Variants in RBBP8 observed in about 807,000 individuals in gnomAD.
RBBP8 encodes RB binding protein 8, endonuclease, also known as DNA endonuclease RBBP8.
Under a neutral mutation model 108.3 loss-of-function variants are expected in RBBP8, and 88 were observed. That is an observed-to-expected ratio of 0.81 (90% CI 0.68 to 0.97). The LOEUF (loss-of-function observed/expected upper bound fraction) is 0.97, where lower values mean the gene tolerates loss of function less well. RBBP8 is among the 50% of genes least tolerant of loss of function. RBBP8 has a pLI of 0.00. For missense variants in RBBP8, 1,023 were observed against 1,049.0 expected (o/e 0.98, Z 0.34); for synonymous variants, 332 against 348.2 (o/e 0.95, Z 0.52).
At chr18:22,927,367 C>T (rs567566885) in intron 3 of RBBP8, among the ~76,000 whole-genome samples, 161 of 152,314 alleles carry the variant, frequency 1.1e-3, no homozygotes, top group Non-Finnish European at 1.5e-3. Flanking sequence ...ATGGGAAATG[C>T]CCAGCACAAA....
At chr18:23,014,543 G>T (rs868337569) in intron 16 of RBBP8, among the ~76,000 whole-genome samples, 1 of 152,232 alleles carries the variant, frequency 6.6e-6, no homozygotes, top group African/African-American at 2.4e-5. Context: ...CTGAGGCAGG[G>T]GGATTACTTG....
At chr18:22,937,467 C>G (rs975579815) in intron 2 of RBBP8, among the ~76,000 whole-genome samples, 1 of 150,614 alleles carries the variant, frequency 6.6e-6, no homozygotes, top group African/African-American at 2.4e-5. Flanking sequence ...TAATGGCCAT[C>G]TTTAAATTCA....
intron 3 of RBBP8, chr18:22,921,018 C>T (rs1184886222): frequency 6.6e-6 from 1 of 152,172 alleles, no homozygotes; most frequent in East Asian, 1.9e-4. Flanking sequence ...CTGCCTGTCC[C>T]ATCCATGCAT....
chr18:22,919,771 C>G (rs1210213338), intron 3 of RBBP8, among the ~76,000 whole-genome samples: 1 of 151,992 alleles, frequency 6.6e-6, no homozygotes, highest in Non-Finnish European at 1.5e-5. Flanking sequence ...AGGCTGATCT[C>G]GAACTCCTGA....
intron 2 of RBBP8, among the ~76,000 whole-genome samples, chr18:22,939,974 G>A (rs1910928217): frequency 6.6e-6 from 1 of 152,120 alleles, no homozygotes; most frequent in Admixed American, 6.5e-5. Flanking sequence ...TTGCAGATAA[G>A]AGCTTGATTT....
chr18:22,967,416 C>T (rs544832817), intron 4 of RBBP8, among the ~76,000 whole-genome samples: 77 of 149,884 alleles, frequency 5.1e-4, no homozygotes, highest in African/African-American at 1.5e-3. Flanking sequence ...GAATTCTTAA[C>T]GTGGGGTATG....
At chr18:22,929,717 A>C (rs927519944), upstream of RBBP8, among the ~76,000 whole-genome samples, 3 of 152,030 alleles carry the variant, frequency 2.0e-5, no homozygotes, top group Non-Finnish European at 4.4e-5. Context: ...GGTTTTGCCT[A>C]ATTCGTAGGG....
chr18:22,994,971 C>T (rs1191361955), intron 12 of RBBP8, among the ~76,000 whole-genome samples: 1 of 152,122 alleles, frequency 6.6e-6, no homozygotes, highest in African/African-American at 2.4e-5. Context: ...AGCCATCTGC[C>T]TGCCTTGGCC....
intron 4 of RBBP8, among the ~76,000 whole-genome samples, chr18:22,968,293 GAACTCCTGACCTCATGATCC>G (rs941517464): frequency 1.3e-5 from 2 of 151,834 alleles, no homozygotes; most frequent in African/African-American, 4.8e-5. Context: ...GGCTGGTCTT[GAACTCCTGACCTCATGATCC>G]TGTCGCCGCA....
intron 3 of RBBP8, among the ~76,000 whole-genome samples, chr18:22,920,079 T>C (rs528986660): frequency 6.6e-6 from 1 of 152,162 alleles, no homozygotes; most frequent in East Asian, 1.9e-4. Flanking sequence ...TCCCAGCACT[T>C]TGAGAGGCCA....
At chr18:22,976,528 T>C (rs76768784) in intron 6 of RBBP8, among the ~76,000 whole-genome samples, 2,209 of 152,266 alleles carry the variant, frequency 0.015, 45 homozygotes, top group African/African-American at 0.05. Flanking sequence ...TCATATGTTT[T>C]GCTGTGAAAA....
intron 3 of RBBP8, 64 bp from the exon 4 acceptor site, chr18:22,949,554 C>G (rs187363940): frequency 1.7e-6 from 2 of 1,160,024 alleles, no homozygotes; most frequent in Non-Finnish European, 2.6e-6. Context: ...CACGGTGGAG[C>G]TCTTAGAATT....
intron 2 of RBBP8, among the ~76,000 whole-genome samples, chr18:22,945,576 T>G (rs1361614524): frequency 6.6e-6 from 1 of 151,778 alleles, no homozygotes; most frequent in Non-Finnish European, 1.5e-5. Context: ...AGAGACGGGG[T>G]TTCTCCACGT....
rs762517986 is a variant in RBBP8 at position 22,991,133 on chromosome 18, C to T, written c.920+84C>T. The T allele has an allele frequency of 8.5e-5, 81 of 955,136 alleles. 1 individual carries two copies. The highest frequency in any genetic ancestry group is 1.7e-4 in the Admixed American group (9 of 52,344). 59.2% of individuals were successfully genotyped at this position (955,136 alleles called of 1,614,324 possible). A position where few individuals can be genotyped will look rare whatever the true frequency, so the allele number is the denominator to read the frequency against. ...AATTTCATATAATTAAGCCATTTCT[C>T]TCCTTCAACATATAGTTTGTTATTG... On this transcript the variant is annotated intron_variant, in intron 10 of 18. Coordinates refer to ENST00000327155, the MANE Select transcript of RBBP8 (RefSeq NM_002894.3).
Position 22,985,716 on chromosome 18 carries a change from G to A in RBBP8, c.709+726G>A, listed in dbSNP as rs1411382073. Among the ~76,000 whole-genome samples, 8 of 152,292 alleles carry A rather than the reference G, an allele frequency of 5.3e-5. No individual in the cohort carries two copies. In the East Asian group the frequency reaches 1.4e-3, roughly 26 times the overall value. On this transcript the variant is annotated intron_variant, in intron 8 of 18. Coordinates refer to ENST00000327155, the MANE Select transcript of RBBP8 (RefSeq NM_002894.3). ...GTTTGGTTTCGGTAATATTCTGTTTGAAATGCAAACTCAACATTCAGGTAG... is the reference window on the plus strand; with the variant it reads ...GTTTGGTTTCGGTAATATTCTGTTTAAAATGCAAACTCAACATTCAGGTAG...
At chr18:23,017,444 G>A (rs1230154718) in intron 17 of RBBP8, among the ~76,000 whole-genome samples, 1 of 151,678 alleles carries the variant, frequency 6.6e-6, no homozygotes, top group Non-Finnish European at 1.5e-5. Context: ...ACGAGGTAAG[G>A]AGATCTAGAC....
intron 17 of RBBP8, among the ~76,000 whole-genome samples, chr18:23,019,640 T>G (rs1279627402): frequency 6.6e-6 from 1 of 152,194 alleles, no homozygotes; most frequent in East Asian, 1.9e-4. Context: ...TACTTTTTTC[T>G]TTCACATCTC....
intron 5 of RBBP8, among the ~76,000 whole-genome samples, chr18:22,971,673 T>C (rs1225258508): frequency 7.4e-6 from 1 of 135,002 alleles, no homozygotes; most frequent in Non-Finnish European, 1.5e-5. Context: ...TGAGACGGAG[T>C]CTCACACTTT....
chr18:23,017,009 C>A, intron 17 of RBBP8, 85 bp downstream of exon 17: 2 of 1,029,766 alleles, frequency 1.9e-6, no homozygotes, highest in Non-Finnish European at 3.0e-6. Context: ...CGTATACAAA[C>A]CATATTGGTT....
Sources: gnomAD v4.1 joint callset for allele counts (sites outside exome capture counted in the v4.1 genomes callset) on GRCh38, gnomAD v4.1.1 for gene constraint, MANE v1.5 for transcripts, NCBI Gene and HGNC (gene_info 2026-07-23, HGNC 2026-07-21) for gene names.